Variants in KIAA2012 observed in about 807,000 individuals in gnomAD.
KIAA2012 encodes uncharacterized protein KIAA2012.
Under a neutral mutation model 150.6 loss-of-function variants are expected in KIAA2012, and 125 were observed. The observed-to-expected ratio is 0.83, with a 90% CI of 0.72 to 0.96. KIAA2012 has a LOEUF of 0.96. Among genes scored for constraint, KIAA2012 ranks in the 40% least tolerant of loss-of-function variants. KIAA2012 has a pLI of 0.00. For synonymous variants in KIAA2012, 462 were observed against 504.7 expected (o/e 0.92, Z 1.13); for missense variants, 1,219 against 1,354.9 (o/e 0.90, Z 1.57).
intron 19 of KIAA2012, 105 bp from the exon 20 acceptor site, chr2:202,193,196 A>G (rs2105749308): frequency 8.5e-7 from 1 of 1,179,216 alleles, no homozygotes; most frequent in East Asian, 2.6e-5. Context: ...AGTCTGTTTT[A>G]TGATTCCATC....
intron 1 of KIAA2012, 87 bp from the exon 2 acceptor site, chr2:202,074,804 A>T: frequency 7.3e-7 from 1 of 1,369,328 alleles, no homozygotes; most frequent in Non-Finnish European, 9.8e-7. Context: ...AGTAACTAAA[A>T]AAATGCCGAA....
intron 15 of KIAA2012, among the ~76,000 whole-genome samples, chr2:202,175,862 A>G (rs1691979682): frequency 6.6e-6 from 1 of 152,248 alleles, no homozygotes; most frequent in African/African-American, 2.4e-5. Context: ...TGTAAAAAAT[A>G]AAACTGTGTG....
intron 9 of KIAA2012, 67 bp downstream of exon 9, chr2:202,105,977 C>T (rs1296424479): frequency 1.3e-6 from 2 of 1,550,222 alleles, no homozygotes; most frequent in East Asian, 2.4e-5. Flanking sequence ...GCAAGACACA[C>T]AAGGGTCCAC....
At chr2:202,136,036 T>C in intron 12 of KIAA2012, 1 of 395,006 alleles carries the variant, frequency 2.5e-6, no homozygotes, top group Admixed American at 2.9e-5. Flanking sequence ...CTCACTCTGT[T>C]GTGTCCGGAA....
chr2:202,180,863 A>G (rs893922618), intron 15 of KIAA2012, among the ~76,000 whole-genome samples: 1 of 152,220 alleles, frequency 6.6e-6, no homozygotes, highest in Non-Finnish European at 1.5e-5. Context: ...AGGATATTCT[A>G]TGCAAAGTTC....
At position 202,105,784 on chromosome 2, in the gene KIAA2012, C is replaced by T; in HGVS notation, c.1348C>T (p.Pro450Ser). Residue 450 changes from proline to serine, a missense_variant, in exon 9 of 24, where the codon CCA becomes TCA. By Grantham distance (74) the Pro-to-Ser change is moderately conservative. Coordinates refer to ENST00000498697, the MANE Select transcript of KIAA2012 (RefSeq NM_001277372.4). ...AGGTGCTCCACACCCTGAGTCAGAA[C>T]CAGAAAGCAGCGAAGAATCCACACC... is the stretch of plus-strand genomic sequence containing the variant. ...RRGAPHPESE[P>S]ESSEESTPVW... is the part of the protein sequence containing the mutation. The T allele has an allele frequency of 6.4e-7, 1 of 1,550,592 alleles. No individual in the cohort carries two copies. The highest frequency in any genetic ancestry group is 8.7e-7 in the Non-Finnish European group (1 of 1,146,990).
chr2:202,168,522 A>G (rs1049880141), intron 15 of KIAA2012, among the ~76,000 whole-genome samples: 1 of 152,160 alleles, frequency 6.6e-6, no homozygotes, highest in Non-Finnish European at 1.5e-5. Context: ...AGGAGCCACA[A>G]TTTGCTCCTT....
At chr2:202,075,303 C>T (rs1290132782) in intron 2 of KIAA2012, 128 bp downstream of exon 2, 1 of 1,071,182 alleles carries the variant, frequency 9.3e-7, no homozygotes, top group Non-Finnish European at 1.3e-6. Context: ...ATTTCTTCAT[C>T]TCTAAAATGA....
At chr2:202,140,025 C>T (rs1305689225) in intron 13 of KIAA2012, among the ~76,000 whole-genome samples, 1 of 152,106 alleles carries the variant, frequency 6.6e-6, no homozygotes, top group Non-Finnish European at 1.5e-5. Context: ...GTCAGGAGTT[C>T]AAGACCAGCC....
intron 15 of KIAA2012, among the ~76,000 whole-genome samples, chr2:202,183,638 G>A (rs1692167642): frequency 6.6e-6 from 1 of 151,760 alleles, no homozygotes. Flanking sequence ...CGAGTAGCAG[G>A]GATCACAGGC....
intron 3 of KIAA2012, 38 bp downstream of exon 3, chr2:202,090,967 G>T: frequency 4.6e-6 from 7 of 1,513,048 alleles, no homozygotes; most frequent in Non-Finnish European, 6.2e-6. Context: ...ACCCCAAACT[G>T]CCCCACCTCC....
chr2:202,179,089 T>A (rs2105735930), intron 15 of KIAA2012, among the ~76,000 whole-genome samples: 1 of 152,344 alleles, frequency 6.6e-6, no homozygotes, highest in Non-Finnish European at 1.5e-5. Flanking sequence ...TAATTGAATA[T>A]TAGAGTCTTC....
At chr2:202,125,135 T>C (rs1690750180) in intron 11 of KIAA2012, 79 bp from the exon 12 acceptor site, 2 of 1,142,750 alleles carry the variant, frequency 1.8e-6, no homozygotes, top group Non-Finnish European at 2.6e-6. Context: ...CTTCATGTTT[T>C]CCCCTGTCTT....
At chr2:202,075,288 ACTCTATTTCTTCAT>A (rs1689302740) in intron 2 of KIAA2012, 113 bp downstream of exon 2, 1 of 1,184,662 alleles carries the variant, frequency 8.4e-7, no homozygotes, top group African/African-American at 1.6e-5. Flanking sequence ...AACTCTCAGA[ACTCTATTTCTTCAT>A]CTCTAAAATG....
At chr2:202,161,194 T>C (rs1315666056) in intron 14 of KIAA2012, among the ~76,000 whole-genome samples, 1 of 152,220 alleles carries the variant, frequency 6.6e-6, no homozygotes, top group Non-Finnish European at 1.5e-5. Flanking sequence ...ACAGCCTGAC[T>C]GCAGGACCTG....
chr2:202,204,059 G>A (rs1692587192), intron 23 of KIAA2012, among the ~76,000 whole-genome samples: 1 of 145,116 alleles, frequency 6.9e-6, no homozygotes, highest in South Asian at 2.2e-4. Context: ...GTGAGCCACC[G>A]CACCCAGCGG....
At chr2:202,160,922 A>G (rs1019916791) in intron 14 of KIAA2012, among the ~76,000 whole-genome samples, 2 of 152,192 alleles carry the variant, frequency 1.3e-5, no homozygotes, top group Admixed American at 1.3e-4. Flanking sequence ...GCCGCACTTC[A>G]GACTCCTGCA....
chr2:202,147,169 T>C (rs1251435220), intron 13 of KIAA2012, among the ~76,000 whole-genome samples: 1 of 152,204 alleles, frequency 6.6e-6, no homozygotes, highest in African/African-American at 2.4e-5. Context: ...CCCTTTCCCA[T>C]CCCCAACCCC....
At chr2:202,150,674 C>G (rs573271645) in intron 13 of KIAA2012, among the ~76,000 whole-genome samples, 1 of 152,224 alleles carries the variant, frequency 6.6e-6, no homozygotes, top group South Asian at 2.1e-4. Flanking sequence ...TCTTGAACTG[C>G]TGGCCTCAAG....
Sources: gnomAD v4.1 joint callset for allele counts (sites outside exome capture counted in the v4.1 genomes callset) on GRCh38, gnomAD v4.1.1 for gene constraint, MANE v1.5 for transcripts, NCBI Gene and HGNC (gene_info 2026-07-23, HGNC 2026-07-21) for gene names.